Variants in EYS observed in about 807,000 individuals in gnomAD.
The protein encoded by EYS is EGF-like photoreceptor maintenance factor, also known as protein eyes shut homolog.
Under a neutral mutation model 282.1 loss-of-function variants are expected in EYS, and 250 were observed. The observed-to-expected ratio is 0.89, with a 90% CI of 0.80 to 0.98. EYS has a LOEUF of 0.98. Among genes scored for constraint, EYS ranks in the 50% least tolerant of loss-of-function variants. The pLI is 0.00. For synonymous variants in EYS, 1,355 were observed against 1,282.9 expected (o/e 1.06, Z -1.20); for missense variants, 4,016 against 3,709.0 (o/e 1.08, Z -2.15).
At chr6:65,439,358 A>G (rs1768211022) in intron 5 of EYS, among the ~76,000 whole-genome samples, 1 of 145,386 alleles carries the variant, frequency 6.9e-6, no homozygotes, top group South Asian at 2.2e-4. Flanking sequence ...ATGAACTTTA[A>G]AGTAGTTTTT....
In EYS at chr6:64,353,274, C is replaced by T. The variant is rs554725265; in HGVS notation, c.6078+35416G>A. Among the ~76,000 whole-genome samples the T allele has an allele frequency of 2.6e-5, 4 of 151,644 alleles. No homozygotes were observed. The South Asian group carries it at 6.2e-4, about 24-fold the overall frequency. On this transcript the variant is annotated intron_variant, in intron 29 of 42. Transcript: ENST00000503581. ...CAGTTGGAAATAGAAAAATTTATGA[C>T]TTTGAGTCCAAATGCACTAGGAGTT...
intron 13 of EYS, among the ~76,000 whole-genome samples, chr6:65,003,843 CT>C (rs1053288125): frequency 6.8e-6 from 1 of 147,326 alleles, no homozygotes; most frequent in African/African-American, 2.4e-5. Flanking sequence ...TTGCAACACC[CT>C]TCTAGACCTT....
intron 2 of EYS, among the ~76,000 whole-genome samples, chr6:65,508,619 C>T (rs1034629818): frequency 4.1e-5 from 6 of 147,116 alleles, no homozygotes; most frequent in African/African-American, 1.0e-4. Flanking sequence ...GCCGAGATCA[C>T]GCCACTGCAC....
chr6:65,497,730 C>G (rs190045510), intron 2 of EYS, among the ~76,000 whole-genome samples: 28 of 152,104 alleles, frequency 1.8e-4, no homozygotes, highest in Admixed American at 1.6e-3. Context: ...ACTGCGACTT[C>G]AAGCAAAACA....
chr6:64,328,913 T>A (rs1770530138), intron 29 of EYS, among the ~76,000 whole-genome samples: 1 of 152,114 alleles, frequency 6.6e-6, no homozygotes, highest in Non-Finnish European at 1.5e-5. Flanking sequence ...TGCAAGCAGA[T>A]GGGACACTGA....
chr6:65,483,029 A>G (rs920378916), intron 5 of EYS, among the ~76,000 whole-genome samples: 6 of 152,216 alleles, frequency 3.9e-5, no homozygotes, highest in Non-Finnish European at 7.4e-5. Context: ...TAAATCTTAT[A>G]GTTATAAAAT....
chr6:64,156,786 T>A (rs1375647228), intron 31 of EYS, among the ~76,000 whole-genome samples: 1 of 152,184 alleles, frequency 6.6e-6, no homozygotes, highest in African/African-American at 2.4e-5. Flanking sequence ...GAGAGATGAT[T>A]CAGAGTATCT....
chr6:65,229,329 T>C (rs1403237524), intron 12 of EYS, among the ~76,000 whole-genome samples: 1 of 151,866 alleles, frequency 6.6e-6, no homozygotes, highest in Admixed American at 6.6e-5. Flanking sequence ...AGAAAACAAC[T>C]TTTTCGTTGA....
chr6:65,279,635 T>C (rs928115829), intron 12 of EYS, among the ~76,000 whole-genome samples: 110 of 152,192 alleles, frequency 7.2e-4, no homozygotes, highest in African/African-American at 2.6e-3. Context: ...AATATTCTGT[T>C]GGGTGAATAT....
chr6:63,723,119 A>G (rs1305965573), intron 42 of EYS, among the ~76,000 whole-genome samples: 1 of 152,226 alleles, frequency 6.6e-6, no homozygotes, highest in African/African-American at 2.4e-5. Context: ...ATGACTCAGA[A>G]TATTTCTCAA....
intron 31 of EYS, among the ~76,000 whole-genome samples, chr6:64,135,875 T>C (rs964816564): frequency 6.6e-6 from 1 of 152,094 alleles, no homozygotes; most frequent in Non-Finnish European, 1.5e-5. Context: ...GTCAGTGTGG[T>C]AGTTTCTGAA....
At chr6:65,135,299 T>C (rs888713745) in intron 12 of EYS, among the ~76,000 whole-genome samples, 1 of 152,046 alleles carries the variant, frequency 6.6e-6, no homozygotes, top group African/African-American at 2.4e-5. Flanking sequence ...ACCAAAAAGT[T>C]AACTTTTCCA....
chr6:64,262,315 T>C (rs1425751387), intron 30 of EYS, among the ~76,000 whole-genome samples: 2 of 151,498 alleles, frequency 1.3e-5, no homozygotes, highest in Non-Finnish European at 2.9e-5. Context: ...CTAAATATTA[T>C]TCAATATTTT....
intron 22 of EYS, among the ~76,000 whole-genome samples, chr6:64,659,388 A>G (rs983065054): frequency 1.3e-5 from 2 of 152,270 alleles, no homozygotes; most frequent in African/African-American, 4.8e-5. Flanking sequence ...CTAAGATCAG[A>G]GCAGAACTGA....
intron 11 of EYS, among the ~76,000 whole-genome samples, chr6:65,314,987 T>G (rs917848244): frequency 6.6e-6 from 1 of 152,092 alleles, no homozygotes; most frequent in Non-Finnish European, 1.5e-5. Flanking sequence ...GCTTGATAGT[T>G]ATGGAATTTG....
At chr6:65,430,667 C>T (rs1000246061) in intron 5 of EYS, among the ~76,000 whole-genome samples, 8 of 152,098 alleles carry the variant, frequency 5.3e-5, no homozygotes, top group Admixed American at 2.0e-4. Flanking sequence ...GTGGGGAGGA[C>T]TTTATCTTGC....
At chr6:65,635,359 A>G (rs1393920548) in intron 2 of EYS, among the ~76,000 whole-genome samples, 1 of 152,138 alleles carries the variant, frequency 6.6e-6, no homozygotes, top group Non-Finnish European at 1.5e-5. Context: ...TCAGGGAGAA[A>G]ATTATGACAG....
chr6:63,865,009 T>C (rs1038081395), intron 35 of EYS, among the ~76,000 whole-genome samples: 2 of 152,204 alleles, frequency 1.3e-5, no homozygotes, highest in Non-Finnish European at 2.9e-5. Context: ...TCTGCATCCA[T>C]TGCCCCATTT....
chr6:64,516,767 GT>G (rs1172955186), intron 26 of EYS, among the ~76,000 whole-genome samples: 1 of 151,324 alleles, frequency 6.6e-6, no homozygotes, highest in Non-Finnish European at 1.5e-5. Flanking sequence ...AATAAAATTT[GT>G]TTTTTTCTAT....
Sources: gnomAD v4.1 joint callset for allele counts (sites outside exome capture counted in the v4.1 genomes callset) on GRCh38, gnomAD v4.1.1 for gene constraint, MANE v1.5 for transcripts, NCBI Gene and HGNC (gene_info 2026-07-23, HGNC 2026-07-21) for gene names.